Variants in NFATC4 observed in about 807,000 individuals in gnomAD.
The protein encoded by NFATC4 is nuclear factor of activated T cells 4, also known as nuclear factor of activated T-cells, cytoplasmic 4.
A neutral mutation model predicts 73.4 loss-of-function variants in NFATC4; 25 were observed. The observed-to-expected ratio is 0.34, with a 90% CI of 0.25 to 0.48. The LOEUF is 0.48. NFATC4 is among the 20% of genes least tolerant of loss of function. NFATC4 has a pLI of 0.99. For synonymous variants in NFATC4, 523 were observed against 510.3 expected, an observed-to-expected ratio of 1.02 and a Z score of -0.34; for missense variants, 1,130 against 1,203.7, an observed-to-expected ratio of 0.94 and a Z score of 0.91.
Position 24,373,916 on chromosome 14 carries a change from GT to G in NFATC4, c.1732+50del. The G allele has an allele frequency of 6.2e-7, 1 of 1,608,664 alleles. No homozygotes were observed. Among genetic ancestry groups the G allele is most frequent in the Non-Finnish European group, 8.5e-7 (1 of 1,177,204 alleles). On this transcript the variant is annotated intron_variant, in intron 5 of 9. Transcript: ENST00000250373. The surrounding 1 kb of genome is among the most constrained non-coding windows in gnomAD (Gnocchi z 4.7). ...TGTCTCTGTCTCTTGCAACTCTTTTGTCTGTGTGTGTGTGTCTGTCTGCCCA... is the reference window on the plus strand; with the variant it reads ...TGTCTCTGTCTCTTGCAACTCTTTTGCTGTGTGTGTGTGTCTGTCTGCCCA...
In NFATC4 at chr14:24,370,403, C is replaced by T. The variant is rs781536985; in HGVS notation, c.1005C>T (p.Ser335=). 9.9e-6 allele frequency: 16 copies of T among 1,613,934 alleles called. No individual in the cohort carries two copies. The highest frequency in any genetic ancestry group is 6.7e-5 in the African/African-American group (5 of 74,934). ...CTCAGAAGACACGGCGGACTTCCAG[C>T]GAGCAGGCAGTGGCTCTGCCTCGGT... ...SIPQKTRRTS[S]EQAVALPRSE... Residue 335 remains serine (S), a synonymous_variant, in exon 2 of 10, where the codon AGC becomes AGT. Transcript: ENST00000250373.
At position 24,377,962 on chromosome 14, in the gene NFATC4, T is replaced by C; in HGVS notation, c.*257T>C. The C allele has an allele frequency of 1.5e-6, 1 of 662,106 alleles. No individual in the cohort carries two copies. Among genetic ancestry groups the C allele is most frequent in the Non-Finnish European group, 2.5e-6 (1 of 402,036 alleles). The allele number at this position is 662,106 out of a possible 1,614,324, so 41.0% of individuals were successfully genotyped here. On this transcript the variant is annotated 3_prime_UTR_variant, in exon 10 of 10. Coordinates refer to ENST00000250373, the MANE Select transcript of NFATC4 (RefSeq NM_004554.5). This position sits in a 1 kb window ranked among gnomAD's most constrained non-coding sequence, Gnocchi z 4.2. ...TGAAGACTGAGGCTAGGTGCCAGAA[T>C]GGACTGGAGTGAAGGCGTGTCTAGA...
chr14:24,377,624 C>T lies in NFATC4; in HGVS notation c.2642-14C>T, dbSNP rs763877363. The T allele has an allele frequency of 3.7e-6, 6 of 1,614,024 alleles. No individual in the cohort carries two copies. The highest frequency in any genetic ancestry group is 5.1e-6 in the Non-Finnish European group (6 of 1,180,022). ...CACCTCTAGCCCAGTCTCTCAACTG[C>T]CCCTCCTTTACAGTGAGTGAGATCA... On this transcript the variant is annotated splice_polypyrimidine_tract_variant and intron_variant, in intron 9 of 9. Coordinates refer to ENST00000250373, the MANE Select transcript of NFATC4 (RefSeq NM_004554.5). This position sits in a 1 kb window ranked among gnomAD's most constrained non-coding sequence, Gnocchi z 4.2.
chr14:24,377,458 G>A lies in NFATC4; in HGVS notation c.2642-180G>A. On this transcript the variant is annotated intron_variant, in intron 9 of 9. Coordinates refer to ENST00000250373, the MANE Select transcript of NFATC4 (RefSeq NM_004554.5). This position sits in a 1 kb window ranked among gnomAD's most constrained non-coding sequence, Gnocchi z 4.2. ...ACATGGAGGGAGTTGGGCAAGATTT[G>A]ATTCGGAGCAGGTGTCAAGACGTGT... 1 of 1,432,340 alleles carries A rather than the reference G, an allele frequency of 7.0e-7. No individual in the cohort carries two copies. The highest frequency in any genetic ancestry group is 9.1e-7 in the Non-Finnish European group (1 of 1,096,270). 88.7% of individuals were successfully genotyped at this position (1,432,340 alleles called of 1,614,324 possible).
chr14:24,369,369 C>T (rs762900849), intron 1 of NFATC4, 130 bp from the exon 2 acceptor site: 6 of 1,599,958 alleles, frequency 3.8e-6, no homozygotes, highest in Non-Finnish European at 4.2e-6. Context: ...TGTCTTGTGG[C>T]TCAGAAGGTC....
Position 24,370,138 on chromosome 14 carries a change from G to A in NFATC4, c.740G>A (p.Trp247Ter). The A allele has an allele frequency of 6.2e-7, 1 of 1,603,802 alleles. No individual in the cohort carries two copies. Among genetic ancestry groups the A allele is most frequent in the Non-Finnish European group, 8.5e-7 (1 of 1,179,720 alleles). Residue 247 changes from tryptophan (W) to a stop codon, truncating the protein, a stop_gained, in exon 2 of 10, where the codon TGG (tryptophan) becomes TAG (stop). Transcript: ENST00000250373. LOFTEE classifies it high-confidence loss of function. Reference protein sequence around the residue: ...SPGGRGPEDSWLLLSAPGPTP... With the variant: ...SPGGRGPEDS ...GGAGGCCGAGGGCCAGAGGATAGCT[G>A]GCTACTCCTCAGTGCTCCTGGGCCC...
Position 24,377,257 on chromosome 14 carries a change from C to A in NFATC4, c.2641+379C>A. The A allele has an allele frequency of 8.0e-7, 1 of 1,245,254 alleles. No homozygotes were observed. The highest frequency in any genetic ancestry group is 3.3e-5 in the East Asian group (1 of 30,334). The allele number at this position is 1,245,254 out of a possible 1,614,324, so 77.1% of individuals were successfully genotyped here. On this transcript the variant is annotated intron_variant, in intron 9 of 9. Coordinates refer to ENST00000250373, the MANE Select transcript of NFATC4 (RefSeq NM_004554.5). This position sits in a 1 kb window ranked among gnomAD's most constrained non-coding sequence, Gnocchi z 4.2. The stretch of plus-strand genomic sequence containing the variant: ...TCCCAGTCAAGCACACTTGCCATTG[C>A]CTCAGCTTTCCCCTAAACACGGTGT...
Position 24,378,513 on chromosome 14 carries a change from C to T in NFATC4, c.*808C>T, listed in dbSNP as rs527722264. Reference sequence around the variant, plus strand: ...GCACATTGAACGCTGCACTCCTGGGCTCCTGTCCCCAGCCCCCATTCAGAC... The same window carrying T: ...GCACATTGAACGCTGCACTCCTGGGTTCCTGTCCCCAGCCCCCATTCAGAC... On this transcript the variant is annotated 3_prime_UTR_variant, in exon 10 of 10. Transcript: ENST00000250373. 1 of 152,974 alleles carries T rather than the reference C, an allele frequency of 6.5e-6. No homozygotes were observed. The highest frequency in any genetic ancestry group is 1.9e-4 in the East Asian group (1 of 5,184). The allele number at this position is 152,974 out of a possible 1,614,324, so 9.5% of individuals were successfully genotyped here.
chr14:24,374,116 G>A (rs1391571998), intron 5 of NFATC4: 3 of 884,826 alleles, frequency 3.4e-6, no homozygotes, highest in Non-Finnish European at 5.4e-6. Flanking sequence ...AAACTCCCTG[G>A]TCTACCCTGT....
Position 24,368,321 on chromosome 14 carries a change from T to TG in NFATC4, c.-15dup. The stretch of plus-strand genomic sequence containing the variant: ...CCCCCCTCCCACCCAGGCCGGGACC[T>TG]GGGGGCTCCTGCCGGATCCATGGGG... On this transcript the variant is annotated 5_prime_UTR_variant, in exon 1 of 10. Coordinates refer to ENST00000250373, the MANE Select transcript of NFATC4 (RefSeq NM_004554.5). 2 of 1,384,366 alleles carry TG rather than the reference T, an allele frequency of 1.4e-6. No homozygotes were observed. The highest frequency in any genetic ancestry group is 1.8e-5 in the South Asian group (1 of 55,888). The allele number at this position is 1,384,366 out of a possible 1,614,324, so 85.8% of individuals were successfully genotyped here.
In NFATC4 at chr14:24,377,910, A is replaced by G; in HGVS notation, c.*205A>G. ...TGGTGCTGCCTTGGAGGGCTGGGGGAAGGAGTGTGTGGAGGAGGGAGGAGG... is the reference window on the plus strand; with the variant it reads ...TGGTGCTGCCTTGGAGGGCTGGGGGGAGGAGTGTGTGGAGGAGGGAGGAGG... On this transcript the variant is annotated 3_prime_UTR_variant, in exon 10 of 10. Transcript: ENST00000250373. This position sits in a 1 kb window ranked among gnomAD's most constrained non-coding sequence, Gnocchi z 4.2. The G allele has an allele frequency of 9.3e-7, 1 of 1,074,804 alleles. No individual in the cohort carries two copies. Among genetic ancestry groups the G allele is most frequent in the Non-Finnish European group, 1.3e-6 (1 of 768,296 alleles). 66.6% of individuals were successfully genotyped at this position (1,074,804 alleles called of 1,614,324 possible). A position where few individuals can be genotyped will look rare whatever the true frequency, so the allele number is the denominator to read the frequency against.
At chr14:24,367,109 C>G, upstream of NFATC4, 4 of 1,614,014 alleles carry the variant, frequency 2.5e-6, no homozygotes, top group Non-Finnish European at 3.4e-6. Context: ...TATCTCCCAC[C>G]GAGTCACGAA....
chr14:24,367,456 A>C, upstream of NFATC4: 1 of 1,535,794 alleles, frequency 6.5e-7, no homozygotes, highest in Non-Finnish European at 8.7e-7. Context: ...GCAGCGGCAA[A>C]GCCTGGCCTG....
intron 2 of NFATC4, 84 bp from the exon 3 acceptor site, chr14:24,372,357 T>C: frequency 2.1e-6 from 3 of 1,426,610 alleles, no homozygotes; most frequent in Non-Finnish European, 2.9e-6. Context: ...CTCAGACCCA[T>C]ACCCCCTCCT....
intron 5 of NFATC4, 89 bp from the exon 6 acceptor site, chr14:24,374,237 G>T: frequency 6.7e-7 from 1 of 1,488,372 alleles, no homozygotes; most frequent in Non-Finnish European, 9.0e-7. Flanking sequence ...TCAGAGCCCT[G>T]TGGCAGTTTT....
At chr14:24,367,896 G>A (rs1252343829), upstream of NFATC4, 1 of 1,332,616 alleles carries the variant, frequency 7.5e-7, no homozygotes, top group Non-Finnish European at 9.6e-7. Flanking sequence ...GAGACTAGGG[G>A]AGGTGGGGGC....
upstream of NFATC4, chr14:24,367,219 C>T: frequency 3.7e-6 from 6 of 1,613,732 alleles, no homozygotes; most frequent in Non-Finnish European, 5.1e-6. Context: ...GCCCAGGTGA[C>T]AGGTGTCCAG....
At chr14:24,375,785 C>G in intron 7 of NFATC4, 70 bp downstream of exon 7, 2 of 1,564,448 alleles carry the variant, frequency 1.3e-6, no homozygotes, top group Non-Finnish European at 1.7e-6. Flanking sequence ...CAGCTGGGTC[C>G]TCTTGCTCAG....
At position 24,379,566 on chromosome 14, in the gene NFATC4, G is replaced by A. The variant is rs2042713236; in HGVS notation, c.*1861G>A. On this transcript the variant is annotated 3_prime_UTR_variant, in exon 10 of 10. Transcript: ENST00000250373. ...GTCCTGGAGGAATTCATAGCCTCAT[G>A]GGGCAAAAGTAAATAAACAGCTTAT... is the stretch of plus-strand genomic sequence containing the variant. The A allele has an allele frequency of 6.6e-6, 1 of 152,216 alleles. No homozygotes were observed. The highest frequency in any genetic ancestry group is 6.5e-5 in the Admixed American group (1 of 15,288). 9.4% of individuals were successfully genotyped at this position (152,216 alleles called of 1,614,324 possible). A position where few individuals can be genotyped will look rare whatever the true frequency, so the allele number is the denominator to read the frequency against.
Sources: gnomAD v4.1 joint callset for allele counts on GRCh38, gnomAD v4.1.1 for gene constraint, Gnocchi (gnomAD v3.1) non-coding constraint, MANE v1.5 for transcripts, NCBI Gene and HGNC (gene_info 2026-07-23, HGNC 2026-07-21) for gene names.